ANKK1: variants seen among roughly 807,000 people sequenced by gnomAD.
ANKK1 encodes ankyrin repeat and protein kinase domain-containing protein 1.
ANKK1 carries 37 observed loss-of-function variants against 37.6 expected under a neutral mutation model. The observed-to-expected ratio is 0.98, with a 90% CI of 0.76 to 1.29. ANKK1 has a LOEUF of 1.29. Ranked by LOEUF, ANKK1 falls within the 50% of genes most tolerant of loss-of-function variation. The pLI, the probability that ANKK1 is intolerant of heterozygous loss-of-function variation, is 0.00. For synonymous variants in ANKK1, 415 were observed against 418.7 expected (o/e 0.99, Z 0.11); for missense variants, 1,019 against 990.6 (o/e 1.03, Z -0.39).
intron 2 of ANKK1, chr11:113,394,643 T>C: frequency 1.8e-6 from 1 of 560,864 alleles, no homozygotes; most frequent in Middle Eastern, 2.7e-4. Flanking sequence ...TGCCAGGCAC[T>C]GTTTAAGTGC....
chr11:113,399,852 C>A lies in ANKK1; in HGVS notation c.1883C>A (p.Thr628Asn), dbSNP rs770459701. 6.2e-7 allele frequency: 1 copy of A among 1,611,736 alleles called. No individual in the cohort carries two copies. ...NMGALGAVNWTPLHLAARHGE... is the reference protein window; with the variant it reads ...NMGALGAVNWNPLHLAARHGE... ...GGTGCTCTTGGAGCTGTGAACTGGACTCCCCTGCACCTAGCTGCACGCCAC... is the reference window on the plus strand; with the variant it reads ...GGTGCTCTTGGAGCTGTGAACTGGAATCCCCTGCACCTAGCTGCACGCCAC... The change falls in exon 8 of 8, where the codon ACT (threonine) becomes AAT (asparagine). Residue 628 changes from threonine (T) to asparagine (N), a missense_variant. Coordinates refer to ENST00000303941, the MANE Select transcript of ANKK1 (RefSeq NM_178510.2).
Position 113,394,937 on chromosome 11 carries a change from C to G in ANKK1, c.489C>G (p.Asp163Glu), listed in dbSNP as rs1406574045. Residue 163 changes from aspartate to glutamate, a missense_variant, in exon 3 of 8, where the codon GAC becomes GAG. By Grantham distance (45) the Asp-to-Glu change is conservative (BLOSUM62 2). Coordinates refer to ENST00000303941, the MANE Select transcript of ANKK1 (RefSeq NM_178510.2). ...CCCCTGCCTTCTCCCAGATTTCAGA[C>G]TTCGGCCTGTCCAAGTGGATGGAAC... ...LDSNMHVKIS[D>E]FGLSKWMEQS... The G allele has an allele frequency of 6.2e-7, 1 of 1,608,266 alleles. No individual in the cohort carries two copies. The highest frequency in any genetic ancestry group is 8.5e-7 in the Non-Finnish European group (1 of 1,175,954).
Position 113,393,484 on chromosome 11 carries a change from T to A in ANKK1, c.189T>A (p.Ser63=). 1 of 1,612,126 alleles carries A rather than the reference T, an allele frequency of 6.2e-7. No homozygotes were observed. Among genetic ancestry groups the A allele is most frequent in the African/African-American group, 1.3e-5 (1 of 75,034 alleles). The change falls in exon 2 of 8, where the codon TCT becomes TCA. Residue 63 remains serine, a synonymous_variant. Transcript: ENST00000303941. ...ATCTTGCTCCCCCTCTCCATAGCTCTGATGTGAATTACCTCATTGAAGAAG... is the reference window on the plus strand; with the variant it reads ...ATCTTGCTCCCCCTCTCCATAGCTCAGATGTGAATTACCTCATTGAAGAAG... ...APCLPPDAAS[S]DVNYLIEEAA... is the part of the protein sequence containing the mutation.
At chr11:113,388,486 T>G (rs185694634) in intron 1 of ANKK1, among the ~76,000 whole-genome samples, 69 of 152,240 alleles carry the variant, frequency 4.5e-4, no homozygotes, top group Non-Finnish European at 7.9e-4. Context: ...CTGAGCATCC[T>G]GGGAGGCTGT....
chr11:113,398,054 C>G (rs1043251700), intron 7 of ANKK1, 38 bp downstream of exon 7: 1 of 1,558,876 alleles, frequency 6.4e-7, no homozygotes, highest in East Asian at 2.4e-5. Flanking sequence ...AGAGAACTCA[C>G]AGCAGAGAAA....
rs755727113 is a variant in ANKK1 at position 113,396,237 on chromosome 11, C to A, written c.838+15C>A. The A allele has an allele frequency of 3.1e-6, 5 of 1,611,976 alleles. No individual in the cohort carries two copies. The South Asian group carries it at 5.5e-5, about 18-fold the overall frequency. The stretch of plus-strand genomic sequence containing the variant: ...ATGCTTTCTAGGTGCTTATCCAGTG[C>A]CCCCTACCCAGGGACTGGGAGCTGG... On this transcript the variant is annotated intron_variant, in intron 5 of 7. Transcript: ENST00000303941.
At chr11:113,395,488 G>A (rs1950630594) in intron 4 of ANKK1, 80 bp downstream of exon 4, 1 of 1,485,472 alleles carries the variant, frequency 6.7e-7, no homozygotes, top group Non-Finnish European at 9.3e-7. Flanking sequence ...TGGGAGGACT[G>A]AGGGTTGGGG....
At chr11:113,390,543 T>C (rs1189494834) in intron 1 of ANKK1, among the ~76,000 whole-genome samples, 1 of 152,196 alleles carries the variant, frequency 6.6e-6, no homozygotes, top group Non-Finnish European at 1.5e-5. Context: ...AAGACCAGCC[T>C]GACCAATATG....
Position 113,399,458 on chromosome 11 carries a change from C to A in ANKK1, c.1489C>A (p.Pro497Thr). Residue 497 changes from proline to threonine, a missense_variant, in exon 8 of 8, where the codon CCC becomes ACC. By Grantham distance (38) the Pro-to-Thr change is conservative. Coordinates refer to ENST00000303941, the MANE Select transcript of ANKK1 (RefSeq NM_178510.2). ...CCTGCATGAGGCTGAGGGCAAGACC[C>A]CCCTCCATGTGGCCGCCTACTTTGG... ...PNLHEAEGKT[P>T]LHVAAYFGHV... 6.3e-7 allele frequency: 1 copy of A among 1,594,766 alleles called. No homozygotes were observed. Among genetic ancestry groups the A allele is most frequent in the Non-Finnish European group, 8.5e-7 (1 of 1,171,006 alleles).
rs775748000 is a variant in ANKK1, at chr11:113,399,401, C to T, written c.1432C>T (p.Arg478Trp). 1.3e-5 allele frequency: 21 copies of T among 1,600,640 alleles called. No individual in the cohort carries two copies. The highest frequency in any genetic ancestry group is 2.3e-5 in the East Asian group (1 of 44,350). The change falls in exon 8 of 8, where the codon CGG becomes TGG. Residue 478 changes from arginine (R) to tryptophan (W), a missense_variant. Arg to Trp is a moderately radical substitution (Grantham distance 101). Coordinates refer to ENST00000303941, the MANE Select transcript of ANKK1 (RefSeq NM_178510.2). ...AAQNNFENVA[R>W]LLVSRQADPN... ...ACAGAATAACTTTGAGAATGTGGCA[C>T]GGCTTCTGGTCTCCCGTCAGGCTGA...
rs1249044319 is a variant in ANKK1 at position 113,399,465 on chromosome 11, A to G, written c.1496A>G (p.His499Arg). 1 of 1,593,910 alleles carries G rather than the reference A, an allele frequency of 6.3e-7. No homozygotes were observed. The highest frequency in any genetic ancestry group is 8.5e-7 in the Non-Finnish European group (1 of 1,170,514). The change falls in exon 8 of 8, where the codon CAT (histidine) becomes CGT (arginine). Residue 499 changes from histidine (H) to arginine (R), a missense_variant. By Grantham distance (29) the His-to-Arg change is conservative. Transcript: ENST00000303941. ...LHEAEGKTPL[H>R]VAAYFGHVSL... ...GAGGCTGAGGGCAAGACCCCCCTCC[A>G]TGTGGCCGCCTACTTTGGCCATGTT...
Position 113,397,306 on chromosome 11 carries a change from G to C in ANKK1, c.921G>C (p.Lys307Asn). The change falls in exon 6 of 8, where the codon AAG becomes AAC. Residue 307 changes from lysine (K) to asparagine (N), a missense_variant. Physicochemically the swap from Lys to Asn is moderately conservative, Grantham distance 94. Transcript: ENST00000303941. ...AVPESKALAR[K>N]VSCKLSLRQP... is the part of the protein sequence containing the mutation. ...CAGAGAGCAAGGCCCTGGCCAGGAA[G>C]GTGTCCTGCAAGCTGTCGCTGCGCC... 1 of 1,612,720 alleles carries C rather than the reference G, an allele frequency of 6.2e-7. No homozygotes were observed. Among genetic ancestry groups the C allele is most frequent in the Non-Finnish European group, 8.5e-7 (1 of 1,179,816 alleles).
intron 1 of ANKK1, 139 bp downstream of exon 1, chr11:113,388,208 CA>C: frequency 1.7e-6 from 2 of 1,191,612 alleles, no homozygotes; most frequent in Non-Finnish European, 1.1e-6. Flanking sequence ...GAATTCCACC[CA>C]GTAGCCTGAG....
rs745319156 is a variant in ANKK1, at chr11:113,393,665, A to T, written c.370A>T (p.Ile124Phe). 5 of 1,613,852 alleles carry T rather than the reference A, an allele frequency of 3.1e-6. No homozygotes were observed. The African/African-American group carries it at 6.7e-5, about 22-fold the overall frequency. The change falls in exon 2 of 8, where the codon ATC becomes TTC. Residue 124 changes from isoleucine (I) to phenylalanine (F), a missense_variant. Coordinates refer to ENST00000303941, the MANE Select transcript of ANKK1 (RefSeq NM_178510.2). ...SLCWKLRFRI[I>F]HETSLAMNFL... ...CTGCTGGAAGCTCAGGTTCCGCATC[A>T]TCCATGAGACCAGCTTGGCCATGAA...
Position 113,399,732 on chromosome 11 carries a change from T to C in ANKK1, c.1763T>C (p.Leu588Pro), listed in dbSNP as rs1192178041. ...MLLRYGASLE[L>P]PTHQGWTPLH... Reference sequence around the variant, plus strand: ...CTCAGGTACGGAGCCAGCCTTGAGCTGCCCACCCACCAGGGCTGGACACCC... The same window carrying C: ...CTCAGGTACGGAGCCAGCCTTGAGCCGCCCACCCACCAGGGCTGGACACCC... The change falls in exon 8 of 8, where the codon CTG becomes CCG. Residue 588 changes from leucine to proline, a missense_variant. Leu to Pro is a moderately conservative substitution (Grantham distance 98). Coordinates refer to ENST00000303941, the MANE Select transcript of ANKK1 (RefSeq NM_178510.2). 6.2e-7 allele frequency: 1 copy of C among 1,601,624 alleles called. No individual in the cohort carries two copies. Among genetic ancestry groups the C allele is most frequent in the South Asian group, 1.1e-5 (1 of 88,908 alleles).
chr11:113,388,386 C>A (rs933392738), intron 1 of ANKK1, among the ~76,000 whole-genome samples: 1 of 152,206 alleles, frequency 6.6e-6, no homozygotes, highest in Non-Finnish European at 1.5e-5. Context: ...TCCTTCTCTC[C>A]AGCGCCTTCT....
In ANKK1 at chr11:113,395,005, G is replaced by T; in HGVS notation, c.557G>T (p.Gly186Val). Residue 186 changes from glycine to valine, a missense_variant, in exon 3 of 8, where the codon GGC becomes GTC. By Grantham distance (109) the Gly-to-Val change is moderately radical (BLOSUM62 -3). Coordinates refer to ENST00000303941, the MANE Select transcript of ANKK1 (RefSeq NM_178510.2). The stretch of plus-strand genomic sequence containing the variant: ...TACATCGAGAGGTCGGCTCTGCGGG[G>T]CATGCTCAGCTACATCCCCCCTGAG... ...MQYIERSALR[G>V]MLSYIPPEMF... The T allele has an allele frequency of 6.2e-7, 1 of 1,613,212 alleles. No homozygotes were observed. The highest frequency in any genetic ancestry group is 8.5e-7 in the Non-Finnish European group (1 of 1,179,578).
rs1950559138 is a variant in ANKK1, at chr11:113,388,036, A to G, written c.152A>G (p.Lys51Arg). Residue 51 changes from lysine to arginine, a missense_variant, in exon 1 of 8, where the codon AAG (lysine) becomes AGG (arginine). Physicochemically the swap from Lys to Arg is conservative, Grantham distance 26. Coordinates refer to ENST00000303941, the MANE Select transcript of ANKK1 (RefSeq NM_178510.2). ...HRRWRTEYAI[K>R]CAPCLPPDAA... ...CGCTGGCGGACGGAGTACGCCATCA[A>G]GTGCGCCCCCTGCCTTCCACCCGAC... is the stretch of plus-strand genomic sequence containing the variant. 2 of 1,538,996 alleles carry G rather than the reference A, an allele frequency of 1.3e-6. No homozygotes were observed. Among genetic ancestry groups the G allele is most frequent in the Admixed American group, 1.8e-5 (1 of 54,768 alleles).
chr11:113,396,342 C>CTTT (rs34716641), intron 5 of ANKK1, 120 bp downstream of exon 5: 183 of 831,074 alleles, frequency 2.2e-4, no homozygotes, highest in South Asian at 3.9e-4. Context: ...CCTAGAAGGA[C>CTTT]TTTTTTTTTT....
Sources: gnomAD v4.1 joint callset for allele counts (sites outside exome capture counted in the v4.1 genomes callset) on GRCh38, gnomAD v4.1.1 for gene constraint, MANE v1.5 for transcripts, NCBI Gene and HGNC (gene_info 2026-07-23, HGNC 2026-07-21) for gene names.